The following FCSK variants were observed in gnomAD, a reference collection of about 807,000 sequenced individuals.
The protein encoded by FCSK is L-fucose kinase.
A neutral mutation model predicts 122.5 loss-of-function variants in FCSK; 123 were observed. The observed-to-expected ratio is 1.00, with a 90% CI of 0.87 to 1.17. The LOEUF is 1.17. FCSK is among the 50% of genes most tolerant of loss of function. FCSK has a pLI of 0.00. For synonymous variants in FCSK, 620 were observed against 625.5 expected (o/e 0.99, Z 0.13); for missense variants, 1,366 against 1,450.4 (o/e 0.94, Z 0.95).
chr16:70,463,666 G>A lies in FCSK; in HGVS notation c.126G>A (p.Thr42=), dbSNP rs375564886. ...AGCGGGAGCAGATCCCTGCTGGGAC[G>A]CTGTTACTGGCCGTGGAGGACCCAG... is the stretch of plus-strand genomic sequence containing the variant. ...RQKREQIPAG[T]LLLAVEDPEK... The change falls in exon 3 of 24, where the codon ACG becomes ACA. Residue 42 remains threonine (T), a synonymous_variant. Coordinates refer to ENST00000288078, the MANE Select transcript of FCSK (RefSeq NM_145059.3). 13 of 1,613,274 alleles carry A rather than the reference G, an allele frequency of 8.1e-6. No individual in the cohort carries two copies. Among genetic ancestry groups the A allele is most frequent in the South Asian group, 3.3e-5 (3 of 91,068 alleles).
At chr16:70,471,863 T>C (rs1168757133) in intron 13 of FCSK, among the ~76,000 whole-genome samples, 2 of 149,374 alleles carry the variant, frequency 1.3e-5, no homozygotes, top group Non-Finnish European at 3.0e-5. Context: ...CGGAGTGCAG[T>C]GGCGCAATCT....
rs1427208522 is a variant in FCSK, at chr16:70,472,579, T to C, written c.1380T>C (p.Ser460=). 6.2e-7 allele frequency: 1 copy of C among 1,612,654 alleles called. No individual in the cohort carries two copies. The highest frequency in any genetic ancestry group is 1.1e-5 in the South Asian group (1 of 90,890). The part of the protein sequence containing the change: ...GAGTYLNVPW[S]EFFKRTGVRA... Reference sequence around the variant, plus strand: ...GCACATATCTCAACGTGCCCTGGAGTGAATTCTTCAAGAGGACAGGTGTTC... The same window carrying C: ...GCACATATCTCAACGTGCCCTGGAGCGAATTCTTCAAGAGGACAGGTGTTC... The change falls in exon 14 of 24, where the codon AGT becomes AGC. Residue 460 remains serine, a synonymous_variant. Transcript: ENST00000288078.
chr16:70,458,077 TAAAAA>T (rs10600165), intron 1 of FCSK: 1 of 144,172 alleles, frequency 6.9e-6, no homozygotes, highest in East Asian at 2.0e-4. Flanking sequence ...GTTGTCAAGA[TAAAAA>T]AAAAAAATCA....
At chr16:70,475,530 T>C (rs1567711856) in intron 19 of FCSK, 37 bp downstream of exon 19, 1 of 1,598,300 alleles carries the variant, frequency 6.3e-7, no homozygotes. Context: ...CACCGACTGT[T>C]ACAGCCCTCC....
chr16:70,475,275 G>C, intron 18 of FCSK, 75 bp from the exon 19 acceptor site: 2 of 1,551,356 alleles, frequency 1.3e-6, no homozygotes, highest in Non-Finnish European at 1.8e-6. Context: ...CACTGGGCTG[G>C]GAAGTCCAGG....
chr16:70,460,815 C>T (rs1489349898), intron 1 of FCSK, among the ~76,000 whole-genome samples: 1 of 152,190 alleles, frequency 6.6e-6, no homozygotes, highest in Admixed American at 6.5e-5. Context: ...TCGTTCAAAG[C>T]GTGGCCTCCA....
rs377257365 is a variant in FCSK, at chr16:70,475,697, C to T, written c.2571C>T (p.Ala857=). The change falls in exon 20 of 24, where the codon GCC becomes GCT. Residue 857 remains alanine, a synonymous_variant. Transcript: ENST00000288078. ...CTGCCCTGGCTGCCTTGCAGCGAGCCGCAGGCCGGGTGGTGGGCACGGAAG... is the reference window on the plus strand; with the variant it reads ...CTGCCCTGGCTGCCTTGCAGCGAGCTGCAGGCCGGGTGGTGGGCACGGAAG... The part of the protein sequence containing the change: ...AGTALAALQR[A]AGRVVGTEAL... The T allele has an allele frequency of 1.7e-4, 273 of 1,602,564 alleles. No homozygotes were observed. The highest frequency in any genetic ancestry group is 4.7e-4 in the South Asian group (42 of 89,928).
chr16:70,476,417 T>A (rs1460884456), intron 20 of FCSK: 1 of 152,564 alleles, frequency 6.6e-6, no homozygotes, highest in African/African-American at 2.4e-5. Context: ...CCGCCTGTCC[T>A]GGCATCGTGC....
rs1597620706 is a variant in FCSK, at chr16:70,469,329, T to C, written c.955+6T>C. The C allele has an allele frequency of 6.3e-7, 1 of 1,582,802 alleles. No individual in the cohort carries two copies. The highest frequency in any genetic ancestry group is 2.2e-5 in the East Asian group (1 of 44,684). ...CGATCAGCCCCTTACCATGGGTGGG[T>C]ACTGCCTCTCAGCTCCCTGGGGTGG... On this transcript the variant is annotated splice_donor_region_variant and intron_variant, in intron 10 of 23. Coordinates refer to ENST00000288078, the MANE Select transcript of FCSK (RefSeq NM_145059.3).
In FCSK at chr16:70,474,959, AGT is replaced by A; in HGVS notation, c.2329_2330del (p.Cys777ProfsTer5). On this transcript the variant is annotated frameshift_variant, in exon 18 of 24. Transcript: ENST00000288078. LOFTEE classifies it high-confidence loss of function. ...GGCAGGATGAGATGACTGTGAAGAT[AGT>A]GTGCCGGTGCCTGGCTGACCTGCGG... ...PRQDEMTVKI[V>X]CRCLADLRDY... The A allele has an allele frequency of 1.2e-6, 2 of 1,611,430 alleles. No homozygotes were observed. The highest frequency in any genetic ancestry group is 4.5e-5 in the East Asian group (2 of 44,822).
In FCSK at chr16:70,471,335, C is replaced by T. The variant is rs751536679; in HGVS notation, c.1324C>T (p.Arg442Cys). 1.6e-5 allele frequency: 25 copies of T among 1,588,856 alleles called. No homozygotes were observed. In the South Asian group the frequency reaches 2.0e-4, roughly 13 times the overall value. ...SPGHAFTLVGRLDSWERQGAG... is the reference protein window; with the variant it reads ...SPGHAFTLVGCLDSWERQGAG... ...GGGCCACGCCTTCACCCTCGTTGGC[C>T]GTCTGGACAGCTGGGAGGTAGGCAG... Residue 442 changes from arginine (R) to cysteine (C), a missense_variant, in exon 13 of 24, where the codon CGT (arginine) becomes TGT (cysteine). By Grantham distance (180) the Arg-to-Cys change is radical. Coordinates refer to ENST00000288078, the MANE Select transcript of FCSK (RefSeq NM_145059.3).
Position 70,463,617 on chromosome 16 carries a change from C to T in FCSK, c.83-6C>T, listed in dbSNP as rs767154340. 2.5e-6 allele frequency: 4 copies of T among 1,613,336 alleles called. No individual in the cohort carries two copies. The highest frequency in any genetic ancestry group is 3.4e-6 in the Non-Finnish European group (4 of 1,179,976). ...GGGCAGGTCCCAGTGTCTCTTCTGA[C>T]CCTAGAACTGGAAGTGCGGCAGAAG... On this transcript the variant is annotated splice_polypyrimidine_tract_variant and splice_region_variant and intron_variant, in intron 2 of 23. Coordinates refer to ENST00000288078, the MANE Select transcript of FCSK (RefSeq NM_145059.3).
At chr16:70,457,069 G>A (rs995130728) in intron 1 of FCSK, among the ~76,000 whole-genome samples, 1 of 151,996 alleles carries the variant, frequency 6.6e-6, no homozygotes, top group Non-Finnish European at 1.5e-5. Context: ...CAGGAAGCAG[G>A]AAGAGGTAGA....
At chr16:70,464,098 C>T (rs145998686) in intron 3 of FCSK, among the ~76,000 whole-genome samples, 3 of 152,310 alleles carry the variant, frequency 2.0e-5, no homozygotes, top group African/African-American at 7.2e-5. Flanking sequence ...ACCTGAGCTG[C>T]GGCTGCCTGC....
At position 70,475,710 on chromosome 16, in the gene FCSK, G is replaced by A; in HGVS notation, c.2584G>A (p.Val862Met). Reference sequence around the variant, plus strand: ...CTTGCAGCGAGCCGCAGGCCGGGTGGTGGGCACGGAAGCCCTGATCCACGC... The same window carrying A: ...CTTGCAGCGAGCCGCAGGCCGGGTGATGGGCACGGAAGCCCTGATCCACGC... ...AALQRAAGRV[V>M]GTEALIHAVL... The change falls in exon 20 of 24, where the codon GTG becomes ATG. Residue 862 changes from valine to methionine, a missense_variant. By Grantham distance (21) the Val-to-Met change is conservative. Transcript: ENST00000288078. 6.2e-7 allele frequency: 1 copy of A among 1,603,084 alleles called. No homozygotes were observed. Among genetic ancestry groups the A allele is most frequent in the Non-Finnish European group, 8.5e-7 (1 of 1,175,284 alleles).
At position 70,470,318 on chromosome 16, in the gene FCSK, T is replaced by C. The variant is rs755550680; in HGVS notation, c.960T>C (p.Tyr320=). 8.7e-6 allele frequency: 14 copies of C among 1,611,666 alleles called. No individual in the cohort carries two copies. The highest frequency in any genetic ancestry group is 4.2e-6 in the Non-Finnish European group (5 of 1,178,224). ...TCAGTACTTATGTCTTTACAGCCTA[T>C]GTCTCCAGCGGCAGCTACAGCTACA... ...ELRDQPLTMA[Y]VSSGSYSYMT... The change falls in exon 11 of 24, where the codon TAT becomes TAC. Residue 320 remains tyrosine (Y), a synonymous_variant. Coordinates refer to ENST00000288078, the MANE Select transcript of FCSK (RefSeq NM_145059.3).
At chr16:70,470,949 C>T (rs1379922873) in intron 11 of FCSK, 22 bp from the exon 12 acceptor site, 13 of 1,556,148 alleles carry the variant, frequency 8.4e-6, no homozygotes, top group African/African-American at 6.8e-5. Flanking sequence ...CCCCCTCATG[C>T]TCCTCCTACC....
chr16:70,472,294 A>G (rs2048650556), intron 13 of FCSK, among the ~76,000 whole-genome samples: 1 of 152,136 alleles, frequency 6.6e-6, no homozygotes, highest in African/African-American at 2.4e-5. Flanking sequence ...AAATTGCTCC[A>G]TGGCTGGGTG....
Position 70,462,805 on chromosome 16 carries a change from C to T in FCSK, c.-22-364C>T, listed in dbSNP as rs532621917. 7.4e-5 allele frequency among the ~76,000 whole-genome samples: 11 copies of T among 147,940 alleles called. No individual in the cohort carries two copies. In the South Asian group the frequency reaches 8.6e-4, roughly 12 times the overall value. ...GATTACAGGCATGCCCCGCCACACC[C>T]GGCTAATTTTTGTATTTTTAGTAGA... On this transcript the variant is annotated intron_variant, in intron 1 of 23. Coordinates refer to ENST00000288078, the MANE Select transcript of FCSK (RefSeq NM_145059.3).
Sources: allele counts gnomAD v4.1 joint callset (sites outside exome capture counted in the v4.1 genomes callset), GRCh38; gene constraint gnomAD v4.1.1; transcripts MANE v1.5; gene names NCBI Gene and HGNC (gene_info 2026-07-23, HGNC 2026-07-21).